Variants in C9orf85 observed in about 807,000 individuals in gnomAD.
The protein encoded by C9orf85 is uncharacterized protein C9orf85.
In C9orf85, 16 loss-of-function variants were observed where a neutral mutation model predicts 14.9. The observed-to-expected ratio is 1.08, with a 90% CI of 0.73 to 1.63. C9orf85 has a LOEUF of 1.63. Ranked by LOEUF, C9orf85 falls within the 40% of genes most tolerant of loss-of-function variation. C9orf85 has a pLI of 0.00. For missense variants in C9orf85, 172 were observed against 186.1 expected, an observed-to-expected ratio of 0.92 and a Z score of 0.44; for synonymous variants, 45 against 56.8, an observed-to-expected ratio of 0.79 and a Z score of 0.93.
intron 1 of C9orf85, among the ~76,000 whole-genome samples, chr9:71,931,095 A>G (rs151228618): frequency 2.0e-5 from 3 of 152,346 alleles, no homozygotes; most frequent in African/African-American, 7.2e-5. Context: ...GTCAATCCAG[A>G]AAACAGCTGA....
intron 1 of C9orf85, chr9:71,918,444 G>T: frequency 7.7e-7 from 1 of 1,303,136 alleles, no homozygotes; most frequent in Non-Finnish European, 1.0e-6. Flanking sequence ...GCAAACTCTA[G>T]TCATGATGTT....
At chr9:71,945,028 C>T (rs1195787710) in intron 1 of C9orf85, among the ~76,000 whole-genome samples, 1 of 152,078 alleles carries the variant, frequency 6.6e-6, no homozygotes, top group Non-Finnish European at 1.5e-5. Flanking sequence ...GATACAGAAA[C>T]AAACAAGGAA....
At chr9:71,965,469 C>T (rs1356370014) in intron 2 of C9orf85, among the ~76,000 whole-genome samples, 1 of 152,170 alleles carries the variant, frequency 6.6e-6, no homozygotes, top group African/African-American at 2.4e-5. Context: ...GAATCAAGGT[C>T]TCCAGTTTCC....
intron 2 of C9orf85, among the ~76,000 whole-genome samples, chr9:71,953,651 C>T (rs1822301655): frequency 6.6e-6 from 1 of 152,174 alleles, no homozygotes; most frequent in Admixed American, 6.5e-5. Context: ...ACTTTTGTTC[C>T]CACTGATTGC....
chr9:71,911,719 G>C lies in C9orf85; in HGVS notation c.-16G>C. 6.2e-7 allele frequency: 1 copy of C among 1,612,270 alleles called. No individual in the cohort carries two copies. The highest frequency in any genetic ancestry group is 1.1e-5 in the South Asian group (1 of 91,058). ...CTTTTGCCTGCTCCCGGCGAGGGGT[G>C]GCTTTGATTTCGGCGATGAGCTCCC... On this transcript the variant is annotated 5_prime_UTR_variant, in exon 1 of 4. Transcript: ENST00000334731.
intron 2 of C9orf85, among the ~76,000 whole-genome samples, chr9:71,968,348 A>G (rs1414902236): frequency 1.3e-5 from 2 of 151,226 alleles, no homozygotes; most frequent in African/African-American, 4.9e-5. Flanking sequence ...AAGGATTTGT[A>G]TATGATCAGT....
At chr9:71,978,733 C>A (rs1159193599) in intron 3 of C9orf85, among the ~76,000 whole-genome samples, 1 of 152,068 alleles carries the variant, frequency 6.6e-6, no homozygotes, top group African/African-American at 2.4e-5. Flanking sequence ...TAAAATTCAG[C>A]ACTTAAAATT....
At chr9:71,971,814 A>T (rs935738007) in intron 3 of C9orf85, among the ~76,000 whole-genome samples, 196 bp downstream of exon 3, 71 of 152,120 alleles carry the variant, frequency 4.7e-4, no homozygotes, top group African/African-American at 1.6e-3. Flanking sequence ...TCTACTAAAA[A>T]TACAAAAAAA....
rs1827492595 is a variant in C9orf85 at position 71,911,743 on chromosome 9, C to T, written c.9C>T (p.Ser3=). The T allele has an allele frequency of 6.2e-7, 1 of 1,614,126 alleles. No homozygotes were observed. The highest frequency in any genetic ancestry group is 8.5e-7 in the Non-Finnish European group (1 of 1,179,992). The change falls in exon 1 of 4, where the codon TCC becomes TCT. Residue 3 remains serine (S), a synonymous_variant. Coordinates refer to ENST00000334731, the MANE Select transcript of C9orf85 (RefSeq NM_182505.5). MS[S]QKGNVARSRP... is the part of the protein sequence containing the mutation. ...TGGCTTTGATTTCGGCGATGAGCTCCCAGAAAGGCAACGTGGCTCGTTCCA... is the reference window on the plus strand; with the variant it reads ...TGGCTTTGATTTCGGCGATGAGCTCTCAGAAAGGCAACGTGGCTCGTTCCA...
intron 2 of C9orf85, among the ~76,000 whole-genome samples, chr9:71,969,617 C>T (rs1822804288): frequency 6.6e-6 from 1 of 151,990 alleles, no homozygotes; most frequent in African/African-American, 2.4e-5. Context: ...TTACAGCACC[C>T]CTTTGTTTGC....
At chr9:71,978,559 A>C (rs765014972) in intron 3 of C9orf85, among the ~76,000 whole-genome samples, 20 of 152,208 alleles carry the variant, frequency 1.3e-4, no homozygotes, top group Non-Finnish European at 2.2e-4. Context: ...CGCATTATGC[A>C]AAGTTCAGAA....
chr9:71,921,363 CCTTT>C (rs1827799945), intron 1 of C9orf85, among the ~76,000 whole-genome samples: 1 of 152,182 alleles, frequency 6.6e-6, no homozygotes, highest in Non-Finnish European at 1.5e-5. Context: ...TTCCACAACT[CCTTT>C]ATCTAAAGGC....
chr9:71,952,208 T>TTGAATA (rs1822261629), intron 2 of C9orf85, among the ~76,000 whole-genome samples: 2 of 152,312 alleles, frequency 1.3e-5, no homozygotes, highest in South Asian at 4.1e-4. Flanking sequence ...CAGCATTGTA[T>TTGAATA]TATTCAATTC....
chr9:71,931,928 A>C (rs1828080416), intron 1 of C9orf85, among the ~76,000 whole-genome samples: 1 of 152,174 alleles, frequency 6.6e-6, no homozygotes, highest in Non-Finnish European at 1.5e-5. Flanking sequence ...TTAGCTGCCT[A>C]GGGCAGTGGT....
chr9:71,924,883 C>T (rs1827894590), intron 1 of C9orf85, among the ~76,000 whole-genome samples: 1 of 152,152 alleles, frequency 6.6e-6, no homozygotes, highest in African/African-American at 2.4e-5. Flanking sequence ...ATCTGGTTTT[C>T]AGTAAAACTA....
At chr9:71,952,863 TCTAC>T (rs1411999068) in intron 2 of C9orf85, among the ~76,000 whole-genome samples, 3 of 59,326 alleles carry the variant, frequency 5.1e-5, no homozygotes, top group African/African-American at 8.3e-5. Context: ...CCTGCTTTTC[TCTAC>T]CTATTAAAAA....
Position 71,953,212 on chromosome 9 carries a change from C to T in C9orf85, c.209+6100C>T, listed in dbSNP as rs147681561. Among the ~76,000 whole-genome samples, 437 of 152,204 alleles carry T rather than the reference C, an allele frequency of 2.9e-3. 1 individual carries two copies. The highest frequency in any genetic ancestry group is 9.7e-3 in the African/African-American group (404 of 41,524). Reference sequence around the variant, plus strand: ...TTGGTTGAGAAGCCTTGCTCTGTACCGAATAGATAGATACTCACAAAGCCA... The same window carrying T: ...TTGGTTGAGAAGCCTTGCTCTGTACTGAATAGATAGATACTCACAAAGCCA... On this transcript the variant is annotated intron_variant, in intron 2 of 3. Coordinates refer to ENST00000334731, the MANE Select transcript of C9orf85 (RefSeq NM_182505.5).
At chr9:71,978,510 A>G (rs1452394489) in intron 3 of C9orf85, among the ~76,000 whole-genome samples, 5 of 152,226 alleles carry the variant, frequency 3.3e-5, no homozygotes, top group Non-Finnish European at 7.3e-5. Flanking sequence ...TACCTTGAGC[A>G]AAAGAATCCA....
At chr9:71,979,103 C>T (rs1054668330) in intron 3 of C9orf85, among the ~76,000 whole-genome samples, 1 of 152,212 alleles carries the variant, frequency 6.6e-6, no homozygotes, top group Non-Finnish European at 1.5e-5. Context: ...ACTAATAACA[C>T]TTTTAAAAAT....
Sources: allele counts gnomAD v4.1 joint callset (sites outside exome capture counted in the v4.1 genomes callset), GRCh38; gene constraint gnomAD v4.1.1; transcripts MANE v1.5; gene names NCBI Gene and HGNC (gene_info 2026-07-23, HGNC 2026-07-21).